MLLT1: variants seen among roughly 807,000 people sequenced by gnomAD.
MLLT1 encodes the protein protein ENL.
A neutral mutation model predicts 55.1 loss-of-function variants in MLLT1; 11 were observed. The observed-to-expected ratio is 0.20, with a 90% CI of 0.13 to 0.33. The LOEUF is 0.33. MLLT1 is among the 10% of genes least tolerant of loss of function. MLLT1 has a pLI of 1.00. For missense variants in MLLT1, 536 were observed against 760.6 expected (o/e 0.70, Z 3.47); for synonymous variants, 323 against 320.1 (o/e 1.01, Z -0.10).
At chr19:6,237,689 A>G (rs1373628600) in intron 3 of MLLT1, among the ~76,000 whole-genome samples, 3 of 151,336 alleles carry the variant, frequency 2.0e-5, no homozygotes, top group Non-Finnish European at 4.4e-5. Context: ...GAATGGCATG[A>G]ACCCAGGAGG....
intron 3 of MLLT1, among the ~76,000 whole-genome samples, chr19:6,249,960 G>A (rs2091199608): frequency 6.6e-6 from 1 of 152,030 alleles, no homozygotes; most frequent in Admixed American, 6.6e-5. Flanking sequence ...GGTGGAGTCT[G>A]CAATGAGCTG....
chr19:6,218,027 G>T lies in MLLT1; in HGVS notation c.1125C>A (p.Ser375Arg). Residue 375 changes from serine to arginine, a missense_variant, in exon 7 of 12, where the codon AGC becomes AGA. By Grantham distance (110) the Ser-to-Arg change is moderately radical (BLOSUM62 -1). Coordinates refer to ENST00000252674, the MANE Select transcript of MLLT1 (RefSeq NM_005934.4). The stretch of plus-strand genomic sequence containing the variant: ...CTGAGCTGGAGCTGGAGTTGGACGG[G>T]CTTGACTGGGCAGACTTCACCCAAT... ...ASFKSESAQS[S>R]PSNSSSSSDS... is the part of the protein sequence containing the mutation. 1 of 1,610,052 alleles carries T rather than the reference G, an allele frequency of 6.2e-7. No homozygotes were observed. The highest frequency in any genetic ancestry group is 8.5e-7 in the Non-Finnish European group (1 of 1,178,154).
At chr19:6,233,776 A>G (rs2091034231) in intron 3 of MLLT1, among the ~76,000 whole-genome samples, 2 of 152,296 alleles carry the variant, frequency 1.3e-5, no homozygotes, top group Admixed American at 6.5e-5. Flanking sequence ...GGTCCGAGCA[A>G]CTGAATGTAT....
Position 6,230,011 on chromosome 19 carries a change from C to T in MLLT1, c.420+559G>A, listed in dbSNP as rs1034441281. On this transcript the variant is annotated intron_variant, in intron 4 of 11. Transcript: ENST00000252674. This position sits in a 1 kb window ranked among gnomAD's most constrained non-coding sequence, Gnocchi z 9.0. The stretch of plus-strand genomic sequence containing the variant: ...CCTGCACGTCCCTCCCTCCACGCCC[C>T]CCTCCTCCATAACCACCACCAGCCC... 6.6e-6 allele frequency among the ~76,000 whole-genome samples: 1 copy of T among 152,136 alleles called. No homozygotes were observed. Among genetic ancestry groups the T allele is most frequent in the Non-Finnish European group, 1.5e-5 (1 of 68,018 alleles).
At chr19:6,217,790 C>T (rs1352574336) in intron 7 of MLLT1, among the ~76,000 whole-genome samples, 164 bp downstream of exon 7, 1 of 152,238 alleles carries the variant, frequency 6.6e-6, no homozygotes, top group African/African-American at 2.4e-5. Context: ...CTTGTTCCTG[C>T]TTTGCTTTTA....
chr19:6,243,437 C>A (rs1279996745), intron 3 of MLLT1, among the ~76,000 whole-genome samples: 1 of 152,212 alleles, frequency 6.6e-6, no homozygotes, highest in East Asian at 1.9e-4. Context: ...GGAGCCAGGT[C>A]TGCATTATAA....
chr19:6,251,779 AAAAG>A (rs772165524), intron 3 of MLLT1, among the ~76,000 whole-genome samples: 31 of 151,950 alleles, frequency 2.0e-4, no homozygotes, highest in Non-Finnish European at 3.5e-4. Flanking sequence ...CAAAAAAAAA[AAAAG>A]AAAGAAAGAA....
In MLLT1 at chr19:6,263,891, A is replaced by G. The variant is rs984796274; in HGVS notation, c.194-1581T>C. Among the ~76,000 whole-genome samples, 3 of 92,784 alleles carry G rather than the reference A, an allele frequency of 3.2e-5. No homozygotes were observed. In the Admixed American group the frequency reaches 4.8e-4, roughly 15 times the overall value. The allele number at this position is 92,784 out of a possible 152,430, so 60.9% of individuals were successfully genotyped here. A position where few individuals can be genotyped will look rare whatever the true frequency, so the allele number is the denominator to read the frequency against. On this transcript the variant is annotated intron_variant, in intron 2 of 11. Coordinates refer to ENST00000252674, the MANE Select transcript of MLLT1 (RefSeq NM_005934.4). ...TGAAGGTCCTGGACTGGCTGAGCGG[A>G]GGGCAGGAGTGAGGATGAAAGCTGG...
At chr19:6,250,709 A>G (rs745454955) in intron 3 of MLLT1, among the ~76,000 whole-genome samples, 43 of 152,188 alleles carry the variant, frequency 2.8e-4, no homozygotes, top group Non-Finnish European at 4.9e-4. Context: ...GGTTGAATTC[A>G]TGGATACGGA....
intron 2 of MLLT1, among the ~76,000 whole-genome samples, chr19:6,265,056 AC>A (rs5826926): frequency 0.27 from 14,817 of 54,408 alleles, 1,659 homozygotes; most frequent in Non-Finnish European, 0.32. Context: ...AAACAAAAAA[AC>A]AAAAAAACAA....
At chr19:6,260,950 G>A (rs1222430390) in intron 3 of MLLT1, among the ~76,000 whole-genome samples, 3 of 152,226 alleles carry the variant, frequency 2.0e-5, no homozygotes, top group African/African-American at 7.2e-5. Flanking sequence ...CCATACAGAT[G>A]GTGGTCCCAC....
chr19:6,245,949 A>C (rs1342725642), intron 3 of MLLT1, among the ~76,000 whole-genome samples: 1 of 151,616 alleles, frequency 6.6e-6, no homozygotes, highest in Non-Finnish European at 1.5e-5. Flanking sequence ...ACAGTGGCTC[A>C]TGCCTGTAAT....
chr19:6,272,446 T>C (rs1310411739), intron 1 of MLLT1, among the ~76,000 whole-genome samples: 1 of 152,126 alleles, frequency 6.6e-6, no homozygotes, highest in Non-Finnish European at 1.5e-5. Flanking sequence ...CTAAGCTCGT[T>C]TCAAAACCCT....
chr19:6,249,678 C>T (rs2091197823), intron 3 of MLLT1, among the ~76,000 whole-genome samples: 1 of 152,162 alleles, frequency 6.6e-6, no homozygotes, highest in African/African-American at 2.4e-5. Context: ...TCCAGTCTGC[C>T]CAGCAAGCGC....
At chr19:6,242,659 G>A (rs969629906) in intron 3 of MLLT1, among the ~76,000 whole-genome samples, 14 of 152,150 alleles carry the variant, frequency 9.2e-5, no homozygotes, top group Non-Finnish European at 1.6e-4. Context: ...TTGAAGTCAC[G>A]GGAGACTTAG....
Position 6,273,733 on chromosome 19 carries a change from T to C in MLLT1, c.13-2974A>G, listed in dbSNP as rs572180986. Among the ~76,000 whole-genome samples the C allele has an allele frequency of 6.6e-6, 1 of 152,316 alleles. No homozygotes were observed. Among genetic ancestry groups the C allele is most frequent in the African/African-American group, 2.4e-5 (1 of 41,568 alleles). On this transcript the variant is annotated intron_variant, in intron 1 of 11. Coordinates refer to ENST00000252674, the MANE Select transcript of MLLT1 (RefSeq NM_005934.4). The surrounding 1 kb of genome is among the most constrained non-coding windows in gnomAD (Gnocchi z 4.3). ...ATACATCATGGGAACAGCACCAGGA[T>C]GCGGGAGAACGACCCCTGCTTCTGT... is the stretch of plus-strand genomic sequence containing the variant.
At chr19:6,266,276 CA>C (rs35972478) in intron 2 of MLLT1, among the ~76,000 whole-genome samples, 26,160 of 73,730 alleles carry the variant, frequency 0.35, 1,934 homozygotes, top group African/African-American at 0.47. Flanking sequence ...ATTCTGTCTC[CA>C]AAAAAAAAAA....
chr19:6,249,072 CCTTT>C (rs1159642621), intron 3 of MLLT1, among the ~76,000 whole-genome samples: 2 of 152,056 alleles, frequency 1.3e-5, no homozygotes, highest in Non-Finnish European at 2.9e-5. Context: ...ACAGATCAAG[CCTTT>C]CTGATGACGT....
chr19:6,271,015 C>A (rs2091391540), intron 1 of MLLT1, among the ~76,000 whole-genome samples: 1 of 152,094 alleles, frequency 6.6e-6, no homozygotes, highest in African/African-American at 2.4e-5. Flanking sequence ...ACCCGCACAG[C>A]CTCCTCACCG....
Sources: gnomAD v4.1 joint callset for allele counts (sites outside exome capture counted in the v4.1 genomes callset) on GRCh38, gnomAD v4.1.1 for gene constraint, Gnocchi (gnomAD v3.1) non-coding constraint, MANE v1.5 for transcripts, NCBI Gene and HGNC (gene_info 2026-07-23, HGNC 2026-07-21) for gene names.